The following RANBP17 variants were observed in gnomAD, a reference collection of about 807,000 sequenced individuals.
RANBP17 encodes the protein ran-binding protein 17.
In RANBP17, 158 loss-of-function variants were observed where a neutral mutation model predicts 141.2. The observed-to-expected ratio is 1.12, with a 90% CI of 0.98 to 1.28. The LOEUF is 1.28. Among genes scored for constraint, RANBP17 ranks in the 50% most tolerant of loss-of-function variants. RANBP17 has a pLI of 0.00. For synonymous variants in RANBP17, 430 were observed against 450.0 expected (o/e 0.96, Z 0.56); for missense variants, 1,438 against 1,290.7 (o/e 1.11, Z -1.75).
intron 14 of RANBP17, among the ~76,000 whole-genome samples, chr5:170,986,435 T>G (rs6891954): frequency 0.6 from 91,040 of 151,690 alleles, 29,073 homozygotes; most frequent in South Asian, 0.88. Context: ...TTAAAATCAC[T>G]AAACAAGTAG....
chr5:171,016,785 T>C (rs985971306), intron 14 of RANBP17, among the ~76,000 whole-genome samples: 1 of 151,990 alleles, frequency 6.6e-6, no homozygotes, highest in East Asian at 1.9e-4. Flanking sequence ...TTTTTATGTC[T>C]TCTTTAAAAA....
Position 171,147,930 on chromosome 5 carries a change from G to A in RANBP17, c.1711-22200G>A, listed in dbSNP as rs554133779. On this transcript the variant is annotated intron_variant, in intron 14 of 27. Transcript: ENST00000523189. Reference sequence around the variant, plus strand: ...GAGAACGGGCCATGATGACAATGGCGGTTTTGTGGAATAGAAAGGCGGGAA... The same window carrying A: ...GAGAACGGGCCATGATGACAATGGCAGTTTTGTGGAATAGAAAGGCGGGAA... Among the ~76,000 whole-genome samples, 860 of 152,304 alleles carry A rather than the reference G, an allele frequency of 5.6e-3. 8 individuals are homozygous for A. The highest frequency in any genetic ancestry group is 6.6e-3 in the Non-Finnish European group (448 of 68,016).
intron 24 of RANBP17, among the ~76,000 whole-genome samples, chr5:171,253,718 A>G (rs1765715468): frequency 6.6e-6 from 1 of 152,196 alleles, no homozygotes; most frequent in Admixed American, 6.5e-5. Flanking sequence ...AAATTTGAGC[A>G]TATTTTTATT....
At chr5:171,096,385 T>C (rs571801763) in intron 14 of RANBP17, among the ~76,000 whole-genome samples, 8 of 152,324 alleles carry the variant, frequency 5.3e-5, no homozygotes, top group Admixed American at 2.0e-4. Context: ...AAGTCACTAA[T>C]GAAGTCATTG....
intron 14 of RANBP17, among the ~76,000 whole-genome samples, chr5:171,100,912 G>A (rs943762514): frequency 6.6e-6 from 1 of 152,316 alleles, no homozygotes; most frequent in East Asian, 1.9e-4. Flanking sequence ...GTGCAGTTTT[G>A]AGTGAGTTTC....
At chr5:170,966,064 C>G (rs977036276) in intron 13 of RANBP17, among the ~76,000 whole-genome samples, 1 of 151,846 alleles carries the variant, frequency 6.6e-6, no homozygotes, top group African/African-American at 2.4e-5. Flanking sequence ...GCTTACCAAC[C>G]AAAAAGAGTC....
At chr5:171,199,458 T>C (rs1269755661) in intron 18 of RANBP17, among the ~76,000 whole-genome samples, 1 of 151,784 alleles carries the variant, frequency 6.6e-6, no homozygotes, top group Admixed American at 6.6e-5. Flanking sequence ...AAAAAATGGC[T>C]GGTAAGTAAT....
chr5:171,071,524 G>C (rs981069579), intron 14 of RANBP17, among the ~76,000 whole-genome samples: 3 of 151,890 alleles, frequency 2.0e-5, no homozygotes, highest in Non-Finnish European at 4.4e-5. Context: ...CAGTGAGACA[G>C]AATAGAGAGC....
intron 14 of RANBP17, among the ~76,000 whole-genome samples, chr5:171,080,960 A>T (rs1744356799): frequency 6.6e-6 from 1 of 152,196 alleles, no homozygotes; most frequent in Admixed American, 6.5e-5. Context: ...AAATAATAAC[A>T]GTTTTTATAT....
chr5:171,184,398 T>C (rs1052003530), intron 18 of RANBP17, among the ~76,000 whole-genome samples: 1 of 152,170 alleles, frequency 6.6e-6, no homozygotes, highest in African/African-American at 2.4e-5. Context: ...ACAAATACTA[T>C]ATGATATCAC....
rs186546822 is a variant in RANBP17, at chr5:171,163,811, G to T, written c.1711-6319G>T. Among the ~76,000 whole-genome samples the T allele has an allele frequency of 5.3e-5, 8 of 152,194 alleles. No homozygotes were observed. In the East Asian group the frequency reaches 1.4e-3, roughly 26 times the overall value. On this transcript the variant is annotated intron_variant, in intron 14 of 27. Coordinates refer to ENST00000523189, the MANE Select transcript of RANBP17 (RefSeq NM_022897.5). The stretch of plus-strand genomic sequence containing the variant: ...CTGATATGTTTTTGAGAATAAATTG[G>T]TTCAGAGAAGGTTTGTCATCCAATG...
intron 12 of RANBP17, among the ~76,000 whole-genome samples, chr5:170,930,657 C>A (rs568645396): frequency 6.6e-6 from 1 of 151,876 alleles, no homozygotes; most frequent in Non-Finnish European, 1.5e-5. Context: ...GAGAACATGC[C>A]GTGTTTGGTT....
intron 5 of RANBP17, among the ~76,000 whole-genome samples, chr5:170,897,776 A>T (rs1029734388): frequency 2.6e-5 from 4 of 152,150 alleles, no homozygotes; most frequent in African/African-American, 9.7e-5. Context: ...TCCATGGTGT[A>T]TATGTGGCAC....
chr5:170,918,615 A>C, intron 9 of RANBP17, 98 bp from the exon 10 acceptor site: 3 of 943,302 alleles, frequency 3.2e-6, no homozygotes, highest in South Asian at 4.7e-5. Context: ...TTAAGTACTC[A>C]TGAAAATTGG....
At position 170,912,711 on chromosome 5, in the gene RANBP17, A is replaced by C. The variant is rs539577199; in HGVS notation, c.761-1456A>C. On this transcript the variant is annotated intron_variant, in intron 7 of 27. Transcript: ENST00000523189. ...AGATGTTTGATAGGAGGAAAAAAAA[A>C]CCAAGAAAACTAGAAGATGAAATTA... Among the ~76,000 whole-genome samples, 74 of 148,894 alleles carry C rather than the reference A, an allele frequency of 5.0e-4. 1 individual carries two copies. The highest frequency in any genetic ancestry group is 1.6e-3 in the African/African-American group (67 of 40,950).
intron 20 of RANBP17, among the ~76,000 whole-genome samples, chr5:171,208,563 G>A (rs770165822): frequency 4.6e-5 from 7 of 152,178 alleles, no homozygotes; most frequent in Middle Eastern, 3.2e-3. Flanking sequence ...TTCCTCATAT[G>A]CAGTCTTTTA....
Position 171,224,843 on chromosome 5 carries a change from A to G in RANBP17, c.2422+3003A>G, listed in dbSNP as rs115286460. ...CTTTGTTATAAGCTTTTATAGTCCT[A>G]TATTAGACCATTTACCATACATTAC... is the stretch of plus-strand genomic sequence containing the variant. On this transcript the variant is annotated intron_variant, in intron 22 of 27. Transcript: ENST00000523189. Among the ~76,000 whole-genome samples the G allele has an allele frequency of 5.4e-3, 825 of 152,310 alleles. 12 individuals carry two copies. Among genetic ancestry groups the G allele is most frequent in the African/African-American group, 0.019 (778 of 41,566 alleles).
intron 14 of RANBP17, among the ~76,000 whole-genome samples, chr5:171,019,403 T>C (rs1780689032): frequency 6.6e-6 from 1 of 152,144 alleles, no homozygotes; most frequent in Non-Finnish European, 1.5e-5. Flanking sequence ...TTTTTTTTGT[T>C]GGTAGGCTAT....
intron 14 of RANBP17, among the ~76,000 whole-genome samples, chr5:171,131,059 C>A (rs1466175608): frequency 6.6e-6 from 1 of 152,162 alleles, no homozygotes; most frequent in Non-Finnish European, 1.5e-5. Context: ...GAATTGGGTT[C>A]ACATATGGTT....
Sources: gnomAD v4.1 joint callset for allele counts (sites outside exome capture counted in the v4.1 genomes callset) on GRCh38, gnomAD v4.1.1 for gene constraint, MANE v1.5 for transcripts, NCBI Gene and HGNC (gene_info 2026-07-23, HGNC 2026-07-21) for gene names.